The following CYP39A1 variants were observed in gnomAD, a reference collection of about 807,000 sequenced individuals.
CYP39A1 encodes 24-hydroxycholesterol 7-alpha-hydroxylase.
Under a neutral mutation model 58.1 loss-of-function variants are expected in CYP39A1, and 49 were observed. The observed-to-expected ratio is 0.84, with a 90% CI of 0.67 to 1.07. The LOEUF (loss-of-function observed/expected upper bound fraction) is 1.07, where lower values mean the gene tolerates loss of function less well. Ranked by LOEUF, CYP39A1 falls within the 50% of genes least tolerant of loss-of-function variation. The pLI is 0.00. For missense variants in CYP39A1, 531 were observed against 539.4 expected, an observed-to-expected ratio of 0.98 and a Z score of 0.16; for synonymous variants, 209 against 187.6, an observed-to-expected ratio of 1.11 and a Z score of -0.93.
At chr6:46,602,060 G>A (rs959119009) in intron 7 of CYP39A1, among the ~76,000 whole-genome samples, 1 of 152,014 alleles carries the variant, frequency 6.6e-6, no homozygotes, top group African/African-American at 2.4e-5. Flanking sequence ...TCAGAATCTT[G>A]TTAGATCTGT....
intron 3 of CYP39A1, among the ~76,000 whole-genome samples, chr6:46,638,718 C>T (rs529376565): frequency 9.9e-5 from 15 of 152,200 alleles, no homozygotes; most frequent in Non-Finnish European, 1.5e-4. Context: ...CCCCCCTCCA[C>T]CCCCTACTAC....
chr6:46,557,950 A>AAG (rs1770747531), intron 10 of CYP39A1, among the ~76,000 whole-genome samples: 1 of 150,368 alleles, frequency 6.7e-6, no homozygotes, highest in African/African-American at 2.4e-5. Flanking sequence ...AAAAAAAAAA[A>AAG]AAAAGAAAAA....
intron 10 of CYP39A1, among the ~76,000 whole-genome samples, chr6:46,565,619 C>T (rs1197787533): frequency 1.3e-5 from 2 of 152,116 alleles, no homozygotes; most frequent in African/African-American, 4.8e-5. Context: ...CATGGACCCC[C>T]AGGATGAAGG....
chr6:46,580,872 G>C (rs1156794143), intron 10 of CYP39A1, among the ~76,000 whole-genome samples: 1 of 152,188 alleles, frequency 6.6e-6, no homozygotes, highest in East Asian at 1.9e-4. Flanking sequence ...AGGTTGAGGA[G>C]AAAAGGGAAT....
intron 1 of CYP39A1, among the ~76,000 whole-genome samples, chr6:46,646,048 T>G (rs1203744218): frequency 6.6e-6 from 1 of 152,114 alleles, no homozygotes; most frequent in East Asian, 1.9e-4. Flanking sequence ...ACATAGACAA[T>G]CATGTAATCT....
chr6:46,633,266 A>G (rs908120876), intron 5 of CYP39A1, among the ~76,000 whole-genome samples: 6 of 152,214 alleles, frequency 3.9e-5, no homozygotes, highest in African/African-American at 1.4e-4. Context: ...AAGTTGTCAC[A>G]GGACAAAGTT....
intron 7 of CYP39A1, among the ~76,000 whole-genome samples, chr6:46,599,768 G>A (rs1284070116): frequency 6.6e-6 from 1 of 152,038 alleles, no homozygotes; most frequent in Non-Finnish European, 1.5e-5. Context: ...CCTTTTGTGA[G>A]CTCCAGATTA....
rs1257065333 is a variant in CYP39A1 at position 46,637,840 on chromosome 6, C to T, written c.627G>A (p.Glu209=). Residue 209 remains glutamate, a synonymous_variant, in exon 4 of 12, where the codon GAG becomes GAA. Transcript: ENST00000275016. ...EDFEYGSQLP[E]CLLRNWSKSK... is the part of the protein sequence containing the mutation. Reference sequence around the variant, plus strand: ...GAAACAACTGTTACCTTAGAAGACACTCTGGCAACTGGGACCCATACTCAA... The same window carrying T: ...GAAACAACTGTTACCTTAGAAGACATTCTGGCAACTGGGACCCATACTCAA... The T allele has an allele frequency of 1.1e-5, 18 of 1,612,264 alleles. No individual in the cohort carries two copies. Among genetic ancestry groups the T allele is most frequent in the Non-Finnish European group, 1.4e-5 (16 of 1,179,686 alleles).
At chr6:46,558,767 G>A (rs1041819201) in intron 10 of CYP39A1, among the ~76,000 whole-genome samples, 5 of 152,162 alleles carry the variant, frequency 3.3e-5, no homozygotes, top group African/African-American at 1.2e-4. Context: ...GGAGGCCGAG[G>A]TGGGTGGATT....
intron 1 of CYP39A1, among the ~76,000 whole-genome samples, chr6:46,648,065 G>A (rs1762440978): frequency 6.6e-6 from 1 of 152,152 alleles, no homozygotes; most frequent in African/African-American, 2.4e-5. Context: ...CTGTTGGTGG[G>A]ACTGTAAACT....
At chr6:46,595,631 T>C (rs1773102143) in intron 8 of CYP39A1, among the ~76,000 whole-genome samples, 1 of 151,942 alleles carries the variant, frequency 6.6e-6, no homozygotes, top group South Asian at 2.1e-4. Flanking sequence ...AGTCAAAGGA[T>C]ACAAAACTTC....
intron 1 of CYP39A1, among the ~76,000 whole-genome samples, chr6:46,651,529 A>C (rs1337301339): frequency 6.6e-6 from 1 of 152,188 alleles, no homozygotes. Flanking sequence ...TTTACAGTAC[A>C]GCTGGTGTGA....
intron 7 of CYP39A1, among the ~76,000 whole-genome samples, chr6:46,623,630 C>T (rs1015635737): frequency 6.6e-6 from 1 of 152,116 alleles, no homozygotes; most frequent in African/African-American, 2.4e-5. Flanking sequence ...TGAGTTTTCT[C>T]TCTCTCTTTA....
intron 10 of CYP39A1, among the ~76,000 whole-genome samples, chr6:46,581,664 G>T (rs1375792551): frequency 6.6e-6 from 1 of 152,078 alleles, no homozygotes; most frequent in Admixed American, 6.6e-5. Context: ...GAGCATGGGA[G>T]GGGGGTGAGG....
intron 10 of CYP39A1, among the ~76,000 whole-genome samples, chr6:46,571,665 T>C (rs1181199660): frequency 6.6e-6 from 1 of 151,684 alleles, no homozygotes; most frequent in Non-Finnish European, 1.5e-5. Flanking sequence ...TTGTTTGCTT[T>C]TTTTTTTTAC....
chr6:46,603,599 T>C (rs1773648284), intron 7 of CYP39A1, among the ~76,000 whole-genome samples: 1 of 152,208 alleles, frequency 6.6e-6, no homozygotes, highest in Admixed American at 6.5e-5. Flanking sequence ...CTCACAAATG[T>C]CCCTGTGGTT....
chr6:46,620,490 A>G (rs1374002208), intron 7 of CYP39A1, among the ~76,000 whole-genome samples: 2 of 152,190 alleles, frequency 1.3e-5, no homozygotes, highest in African/African-American at 2.4e-5. Context: ...GACAAACAAC[A>G]GGCAAACCAA....
At position 46,585,139 on chromosome 6, in the gene CYP39A1, T is replaced by C. The variant is rs1053670865; in HGVS notation, c.1250+1938A>G. On this transcript the variant is annotated intron_variant, in intron 10 of 11. Coordinates refer to ENST00000275016, the MANE Select transcript of CYP39A1 (RefSeq NM_016593.5). ...TTACTTTCAAACTCAAAAAAATGTCTGTTAGCCTCAAATGTCATCATGGAA... is the reference window on the plus strand; with the variant it reads ...TTACTTTCAAACTCAAAAAAATGTCCGTTAGCCTCAAATGTCATCATGGAA... Among the ~76,000 whole-genome samples, 5 of 152,140 alleles carry C rather than the reference T, an allele frequency of 3.3e-5. No homozygotes were observed. The East Asian group carries it at 9.6e-4, about 29-fold the overall frequency.
chr6:46,552,764 A>G (rs1489255895), intron 11 of CYP39A1, among the ~76,000 whole-genome samples: 6 of 152,320 alleles, frequency 3.9e-5, no homozygotes, highest in Non-Finnish European at 8.8e-5. Flanking sequence ...CAGCAGCAGC[A>G]GCGGCATCAC....
Sources: gnomAD v4.1 joint callset for allele counts (sites outside exome capture counted in the v4.1 genomes callset) on GRCh38, gnomAD v4.1.1 for gene constraint, MANE v1.5 for transcripts, NCBI Gene and HGNC (gene_info 2026-07-23, HGNC 2026-07-21) for gene names.